NTRK3: variants seen among roughly 807,000 people sequenced by gnomAD.
NTRK3 encodes the protein NT-3 growth factor receptor.
Under a neutral mutation model 91.7 loss-of-function variants are expected in NTRK3, and 24 were observed. The ratio of observed to expected loss-of-function variants is 0.26; its 90% CI spans 0.19 to 0.37. The LOEUF (loss-of-function observed/expected upper bound fraction) is 0.37, where lower values mean the gene tolerates loss of function less well. NTRK3 is among the 10% of genes least tolerant of loss of function. NTRK3 has a pLI of 1.00. For synonymous variants in NTRK3, 483 were observed against 404.0 expected (o/e 1.20, Z -2.34); for missense variants, 880 against 1,068.9 (o/e 0.82, Z 2.46).
At chr15:88,136,160 TTG>T in intron 8 of NTRK3, 120 bp from the exon 9 acceptor site, 1 of 1,323,244 alleles carries the variant, frequency 7.6e-7, no homozygotes, top group African/African-American at 1.5e-5. Context: ...AAGGAGATCT[TTG>T]TGTGAAAGCA....
At chr15:87,964,402 T>C (rs2072601352) in intron 14 of NTRK3, among the ~76,000 whole-genome samples, 1 of 150,860 alleles carries the variant, frequency 6.6e-6, no homozygotes, top group African/African-American at 2.4e-5. Context: ...TTACTATGTA[T>C]TATATACAAG....
At chr15:87,947,025 C>T (rs569500320) in intron 14 of NTRK3, among the ~76,000 whole-genome samples, 88 of 151,982 alleles carry the variant, frequency 5.8e-4, no homozygotes, top group African/African-American at 1.8e-3. Context: ...ATTTCAGGTG[C>T]GTGCCACCAC....
chr15:88,237,758 C>T lies in NTRK3; in HGVS notation c.248+18148G>A, dbSNP rs73452720. On this transcript the variant is annotated intron_variant, in intron 3 of 18. Transcript: ENST00000394480. This position sits in a 1 kb window ranked among gnomAD's most constrained non-coding sequence, Gnocchi z 4.0. ...CTTTGGGCATTCGCAACAAGACACA[C>T]CAAAATAAAATGAGAAAAAAAAAAT... Among the ~76,000 whole-genome samples the T allele has an allele frequency of 0.047, 7,186 of 151,842 alleles. 569 individuals are homozygous for T. Among genetic ancestry groups the T allele is most frequent in the African/African-American group, 0.16 (6,758 of 41,346 alleles).
intron 14 of NTRK3, among the ~76,000 whole-genome samples, chr15:88,011,771 T>C (rs2076898158): frequency 6.6e-6 from 1 of 152,162 alleles, no homozygotes; most frequent in African/African-American, 2.4e-5. Flanking sequence ...TCAGGGAAAG[T>C]CTGCACAGCC....
At chr15:87,980,521 G>A (rs963723707) in intron 14 of NTRK3, among the ~76,000 whole-genome samples, 7 of 152,140 alleles carry the variant, frequency 4.6e-5, no homozygotes, top group South Asian at 2.1e-4. Flanking sequence ...GAATATATGT[G>A]TGTGTACACA....
At position 88,233,851 on chromosome 15, in the gene NTRK3, C is replaced by A. The variant is rs1009125626; in HGVS notation, c.248+22055G>T. 6.6e-6 allele frequency among the ~76,000 whole-genome samples: 1 copy of A among 152,066 alleles called. No homozygotes were observed. The highest frequency in any genetic ancestry group is 1.5e-5 in the Non-Finnish European group (1 of 68,026). ...TCCCTCTGGCCTCCCTAGAACAAAG[C>A]CAGAAACATGGCTCTCAGGGCTGTG... On this transcript the variant is annotated intron_variant, in intron 3 of 18. Coordinates refer to ENST00000394480, the Ensembl canonical transcript of NTRK3. This position sits in a 1 kb window ranked among gnomAD's most constrained non-coding sequence, Gnocchi z 4.2.
exon 19 of NTRK3, chr15:87,861,296 C>T (rs756967419): frequency 3.7e-5 from 8 of 216,704 alleles, no homozygotes; most frequent in South Asian, 1.9e-4. Context: ...TCTCAGGGAA[C>T]GTAATATCCT....
exon 9 of NTRK3, chr15:88,135,968 A>G: frequency 6.2e-7 from 1 of 1,614,270 alleles, no homozygotes; most frequent in Non-Finnish European, 8.5e-7. Flanking sequence ...GTCAGGGTGA[A>G]GCCATTGTCC....
chr15:87,888,464 G>T (rs2065673258), intron 17 of NTRK3, among the ~76,000 whole-genome samples: 1 of 152,182 alleles, frequency 6.6e-6, no homozygotes. Context: ...AGAACTTACA[G>T]GAGAGCATCA....
intron 14 of NTRK3, among the ~76,000 whole-genome samples, chr15:88,015,777 C>T (rs2077192859): frequency 6.6e-6 from 1 of 152,134 alleles, no homozygotes; most frequent in South Asian, 2.1e-4. Context: ...GTGCAAAAAT[C>T]ATCTTTGTAC....
chr15:87,888,052 T>C (rs74027279), intron 17 of NTRK3, among the ~76,000 whole-genome samples: 3,147 of 152,202 alleles, frequency 0.021, 113 homozygotes, highest in African/African-American at 0.072. Context: ...TAAAAATAAG[T>C]ACTTGGAGGG....
chr15:88,203,223 T>A (rs1415582941), intron 3 of NTRK3, among the ~76,000 whole-genome samples: 2 of 152,102 alleles, frequency 1.3e-5, no homozygotes, highest in African/African-American at 4.8e-5. Flanking sequence ...GTCCTGAGAT[T>A]ACTTCCCACA....
In NTRK3 at chr15:88,234,230, C is replaced by A. The variant is rs987138974; in HGVS notation, c.248+21676G>T. ...TTGTCTCTCATCGCCCCCCGCTCGA[C>A]CTTCAAAAAGCTCCCATAGCCTACA... On this transcript the variant is annotated intron_variant, in intron 3 of 18. Transcript: ENST00000394480. This position sits in a 1 kb window ranked among gnomAD's most constrained non-coding sequence, Gnocchi z 6.1. Among the ~76,000 whole-genome samples, 3 of 152,150 alleles carry A rather than the reference C, an allele frequency of 2.0e-5. No individual in the cohort carries two copies. The highest frequency in any genetic ancestry group is 7.2e-5 in the African/African-American group (3 of 41,428).
chr15:88,005,604 C>T (rs973887577), intron 14 of NTRK3, among the ~76,000 whole-genome samples: 1 of 152,128 alleles, frequency 6.6e-6, no homozygotes, highest in African/African-American at 2.4e-5. Context: ...AACAGACCAC[C>T]TCAAATCTCT....
intron 14 of NTRK3, among the ~76,000 whole-genome samples, chr15:87,974,858 C>G (rs1438849330): frequency 6.6e-6 from 1 of 152,122 alleles, no homozygotes; most frequent in Non-Finnish European, 1.5e-5. Flanking sequence ...TGAAAGACTT[C>G]TCTGTCTTAG....
chr15:87,933,465 C>T (rs115548907), intron 15 of NTRK3, among the ~76,000 whole-genome samples: 1,731 of 152,340 alleles, frequency 0.011, 34 homozygotes, highest in African/African-American at 0.039. Flanking sequence ...CCTGGGCTTC[C>T]GCAGGTGAGT....
chr15:87,925,657 G>A (rs547303354), intron 17 of NTRK3: 43 of 197,362 alleles, frequency 2.2e-4, no homozygotes, highest in African/African-American at 8.1e-4. Flanking sequence ...GGCCTTAGCC[G>A]ATGTATACTG....
At chr15:88,082,319 CCCAGACTTCAGCAG>C (rs1240772721) in intron 13 of NTRK3, among the ~76,000 whole-genome samples, 10 of 151,812 alleles carry the variant, frequency 6.6e-5, no homozygotes, top group African/African-American at 9.7e-5. Context: ...CCATGGTGCC[CCCAGACTTCAGCAG>C]CGGGGAAGAA....
chr15:88,140,705 G>A (rs1332454430), intron 6 of NTRK3, among the ~76,000 whole-genome samples: 1 of 152,236 alleles, frequency 6.6e-6, no homozygotes, highest in Non-Finnish European at 1.5e-5. Flanking sequence ...GTATGCTCAT[G>A]AGAGGATGAG....
Sources: allele counts gnomAD v4.1 joint callset (sites outside exome capture counted in the v4.1 genomes callset), GRCh38; gene constraint gnomAD v4.1.1; non-coding constraint Gnocchi (gnomAD v3.1); transcripts MANE v1.5; gene names NCBI Gene and HGNC (gene_info 2026-07-23, HGNC 2026-07-21).